Variants in RALGPS1 observed in about 807,000 individuals in gnomAD.
RALGPS1 encodes the protein Ral GEF with PH domain and SH3 binding motif 1.
In RALGPS1, 19 loss-of-function variants were observed where a neutral mutation model predicts 78.8. The observed-to-expected ratio is 0.24, with a 90% CI of 0.17 to 0.35. The LOEUF is 0.35. Ranked by LOEUF, RALGPS1 falls within the 10% of genes least tolerant of loss-of-function variation. The probability of loss-of-function intolerance (pLI) is 1.00; values close to 1 mark genes in which losing one functional copy is unlikely to be tolerated. For missense variants in RALGPS1, 454 were observed against 688.3 expected (o/e 0.66, Z 3.81); for synonymous variants, 228 against 256.3 (o/e 0.89, Z 1.06).
chr9:127,081,588 C>A (rs1478919441), intron 8 of RALGPS1, among the ~76,000 whole-genome samples: 1 of 152,242 alleles, frequency 6.6e-6, no homozygotes, highest in Non-Finnish European at 1.5e-5. Context: ...CATCACATGG[C>A]CCCAGAAGGG....
At chr9:127,133,428 C>A (rs1208041662) in intron 8 of RALGPS1, among the ~76,000 whole-genome samples, 1 of 152,260 alleles carries the variant, frequency 6.6e-6, no homozygotes, top group Admixed American at 6.5e-5. Context: ...GTTTACTCAG[C>A]GAGCTTGAGA....
intron 8 of RALGPS1, among the ~76,000 whole-genome samples, chr9:127,152,886 A>G (rs1214456187): frequency 6.6e-6 from 1 of 152,190 alleles, no homozygotes; most frequent in East Asian, 1.9e-4. Context: ...CAACCCTTTC[A>G]CATGCATTAC....
intron 10 of RALGPS1, 98 bp from the exon 11 acceptor site, chr9:127,174,617 C>A: frequency 9.4e-7 from 1 of 1,066,262 alleles, no homozygotes; most frequent in Non-Finnish European, 1.4e-6. Flanking sequence ...TCACAGTATT[C>A]CTGGCTTCTG....
At position 126,953,188 on chromosome 9, in the gene RALGPS1, T is replaced by TC. The variant is rs1273447688; in HGVS notation, c.-65-9031dup. Among the ~76,000 whole-genome samples, 14 of 151,862 alleles carry TC rather than the reference T, an allele frequency of 9.2e-5. No individual in the cohort carries two copies. The South Asian group carries it at 2.3e-3, about 25-fold the overall frequency. ...GGATTTTCCTTTCCCTCTTCAGGAG[T>TC]CCCCCCACACAAGACCAGATTCTGT... On this transcript the variant is annotated intron_variant, in intron 1 of 18. Coordinates refer to ENST00000259351, the MANE Select transcript of RALGPS1 (RefSeq NM_014636.3).
chr9:127,184,919 A>T (rs908885729), intron 11 of RALGPS1, among the ~76,000 whole-genome samples: 2 of 152,232 alleles, frequency 1.3e-5, no homozygotes, highest in Non-Finnish European at 2.9e-5. Context: ...AGGCTGCTTA[A>T]ATAGGGCAGT....
chr9:127,099,037 G>A (rs1439162537), intron 8 of RALGPS1, among the ~76,000 whole-genome samples: 1 of 152,236 alleles, frequency 6.6e-6, no homozygotes, highest in African/African-American at 2.4e-5. Context: ...GGGCAAGAGG[G>A]ATGCCTCTTC....
chr9:126,993,302 G>A (rs1254132081), intron 4 of RALGPS1, among the ~76,000 whole-genome samples: 1 of 152,076 alleles, frequency 6.6e-6, no homozygotes, highest in African/African-American at 2.4e-5. Context: ...TAGAATTTCT[G>A]CATCTGTGTT....
intron 4 of RALGPS1, among the ~76,000 whole-genome samples, chr9:126,996,104 A>G (rs1188155235): frequency 6.6e-6 from 1 of 152,240 alleles, no homozygotes; most frequent in African/African-American, 2.4e-5. Context: ...TGACACCCTG[A>G]CATCACAATT....
At chr9:126,939,458 G>A (rs962254274) in intron 1 of RALGPS1, among the ~76,000 whole-genome samples, 18 of 152,344 alleles carry the variant, frequency 1.2e-4, no homozygotes, top group African/African-American at 4.3e-4. Context: ...GCACAGAGAT[G>A]GCTTCAGTTA....
chr9:126,920,986 A>G (rs965581704), intron 1 of RALGPS1, among the ~76,000 whole-genome samples: 1 of 152,202 alleles, frequency 6.6e-6, no homozygotes, highest in Non-Finnish European at 1.5e-5. Context: ...TGATTTGGTA[A>G]AGTGGGGATA....
rs763889559 is a variant in RALGPS1 at position 127,218,741 on chromosome 9, T to G, written c.1646T>G (p.Val549Gly). The change falls in exon 19 of 19, where the codon GTA becomes GGA. Residue 549 changes from valine (V) to glycine (G), a missense_variant and splice_region_variant. Coordinates refer to ENST00000259351, the MANE Select transcript of RALGPS1 (RefSeq NM_014636.3). The surrounding 1 kb of genome is among the most constrained non-coding windows in gnomAD (Gnocchi z 4.4). ...DDACKSNRPQ[V>G]PANLMSFE The stretch of plus-strand genomic sequence containing the variant: ...AAGAGGCTGAGCTTTCTCTTCTAGG[T>G]ACCTGCAAACCTTATGTCATTTGAG... The G allele has an allele frequency of 3.9e-5, 63 of 1,613,926 alleles. No homozygotes were observed. The highest frequency in any genetic ancestry group is 5.2e-5 in the Non-Finnish European group (61 of 1,179,884).
chr9:127,066,720 A>T (rs930027644), intron 7 of RALGPS1, among the ~76,000 whole-genome samples: 2 of 152,164 alleles, frequency 1.3e-5, no homozygotes, highest in African/African-American at 2.4e-5. Flanking sequence ...TATATTGTTC[A>T]TTGGCAAATT....
intron 8 of RALGPS1, among the ~76,000 whole-genome samples, chr9:127,085,381 G>T (rs1458060436): frequency 6.6e-6 from 1 of 152,184 alleles, no homozygotes. Context: ...GATAGGAGAG[G>T]ATGGTCTGGT....
At chr9:126,946,726 C>T (rs2037309636) in intron 1 of RALGPS1, among the ~76,000 whole-genome samples, 1 of 151,882 alleles carries the variant, frequency 6.6e-6, no homozygotes, top group African/African-American at 2.4e-5. Context: ...TCTGGTATGT[C>T]TGAGGTAGAC....
chr9:126,932,821 C>T (rs551083913), intron 1 of RALGPS1, among the ~76,000 whole-genome samples: 62 of 152,066 alleles, frequency 4.1e-4, no homozygotes, highest in Non-Finnish European at 7.4e-4. Flanking sequence ...GTTAGAGGTG[C>T]TTTGCTTAAT....
At chr9:126,930,360 A>G (rs936492391) in intron 1 of RALGPS1, among the ~76,000 whole-genome samples, 2 of 152,168 alleles carry the variant, frequency 1.3e-5, no homozygotes, top group Admixed American at 6.5e-5. Context: ...CAAAGATTTA[A>G]TGCAATTCCT....
chr9:126,916,064 G>A (rs2034126150), intron 1 of RALGPS1, among the ~76,000 whole-genome samples: 1 of 152,178 alleles, frequency 6.6e-6, no homozygotes, highest in South Asian at 2.1e-4. Context: ...GCCTCCCAGG[G>A]GCCTGGTGAG....
intron 8 of RALGPS1, among the ~76,000 whole-genome samples, chr9:127,132,546 T>A (rs973966101): frequency 1.3e-5 from 2 of 152,198 alleles, no homozygotes; most frequent in African/African-American, 4.8e-5. Flanking sequence ...CCTTTGGGTC[T>A]CCAGTGCCCA....
At chr9:126,925,468 A>C (rs1204489427) in intron 1 of RALGPS1, among the ~76,000 whole-genome samples, 1 of 152,034 alleles carries the variant, frequency 6.6e-6, no homozygotes, top group Non-Finnish European at 1.5e-5. Context: ...GAATCACTGG[A>C]ACCTGGGGGG....
Sources: gnomAD v4.1 joint callset for allele counts (sites outside exome capture counted in the v4.1 genomes callset) on GRCh38, gnomAD v4.1.1 for gene constraint, Gnocchi (gnomAD v3.1) non-coding constraint, MANE v1.5 for transcripts, NCBI Gene and HGNC (gene_info 2026-07-23, HGNC 2026-07-21) for gene names.